KIF13B: variants seen among roughly 807,000 people sequenced by gnomAD.
The protein encoded by KIF13B is kinesin-like protein KIF13B.
Under a neutral mutation model 222.0 loss-of-function variants are expected in KIF13B, and 127 were observed. That is an observed-to-expected ratio of 0.57 (90% CI 0.50 to 0.66). The LOEUF (loss-of-function observed/expected upper bound fraction) is 0.66. Among genes scored for constraint, KIF13B ranks in the 30% least tolerant of loss-of-function variants. KIF13B has a pLI of 0.00. For missense variants in KIF13B, 2,173 were observed against 2,379.0 expected (o/e 0.91, Z 1.80); for synonymous variants, 976 against 919.0 (o/e 1.06, Z -1.12).
intron 2 of KIF13B, among the ~76,000 whole-genome samples, chr8:29,214,121 C>T (rs1814367107): frequency 6.6e-6 from 1 of 152,158 alleles, no homozygotes; most frequent in South Asian, 2.1e-4. Flanking sequence ...ACGTGAAGGC[C>T]TAGGTCATGA....
At chr8:29,141,972 C>T (rs1311397430) in intron 19 of KIF13B, among the ~76,000 whole-genome samples, 185 bp downstream of exon 19, 3 of 151,962 alleles carry the variant, frequency 2.0e-5, no homozygotes, top group East Asian at 1.9e-4. Flanking sequence ...AAAGAAGATA[C>T]CAGAAAGAGA....
At chr8:29,256,858 G>A (rs749598259) in intron 1 of KIF13B, among the ~76,000 whole-genome samples, 2 of 152,144 alleles carry the variant, frequency 1.3e-5, no homozygotes, top group Non-Finnish European at 2.9e-5. Flanking sequence ...AGGTTGAAGC[G>A]ATTATCCCAC....
intron 4 of KIF13B, chr8:29,190,102 C>T (rs983296675): frequency 6.6e-6 from 1 of 152,190 alleles, no homozygotes; most frequent in African/African-American, 2.4e-5. Context: ...GGCATTTTAG[C>T]CTCAGGAAAC....
chr8:29,123,419 G>T lies in KIF13B; in HGVS notation c.3426C>A (p.Asn1142Lys). 6.2e-7 allele frequency: 1 copy of T among 1,614,038 alleles called. No individual in the cohort carries two copies. The highest frequency in any genetic ancestry group is 8.5e-7 in the Non-Finnish European group (1 of 1,179,916). Residue 1142 changes from asparagine (N) to lysine (K), a missense_variant, in exon 28 of 40, where the codon AAC (asparagine) becomes AAA (lysine). By Grantham distance (94) the Asn-to-Lys change is moderately conservative (BLOSUM62 0). Around this residue, in one of 2 missense-constraint regions of KIF13B, gnomAD observed 1,480 missense variants for 1,722.8 expected, o/e 0.86. Transcript: ENST00000524189. ...EMRLTLTEERNAVMVPSAGSG... is the reference protein window; with the variant it reads ...EMRLTLTEERKAVMVPSAGSG... The stretch of plus-strand genomic sequence containing the variant: ...TGCCAGCAGAGGGGACCATCACCGC[G>T]TTCCTCTCCTCAGTTAGGGTCAACC...
At chr8:29,114,751 T>TA (rs781042929) in intron 31 of KIF13B, among the ~76,000 whole-genome samples, 16 of 152,232 alleles carry the variant, frequency 1.1e-4, no homozygotes, top group Non-Finnish European at 2.2e-4. Context: ...GGCAACCTAT[T>TA]GTCCCTACAA....
At chr8:29,225,296 A>G (rs1160670453) in intron 2 of KIF13B, among the ~76,000 whole-genome samples, 1 of 152,246 alleles carries the variant, frequency 6.6e-6, no homozygotes, top group African/African-American at 2.4e-5. Context: ...TAACGCATTT[A>G]GTCCTCATAA....
intron 1 of KIF13B, among the ~76,000 whole-genome samples, chr8:29,259,326 A>G (rs1816599494): frequency 6.6e-6 from 1 of 152,170 alleles, no homozygotes; most frequent in African/African-American, 2.4e-5. Flanking sequence ...CCTGAAATAA[A>G]TTTCTTGTCC....
intron 2 of KIF13B, among the ~76,000 whole-genome samples, chr8:29,228,720 T>A (rs1815152271): frequency 6.6e-6 from 1 of 152,022 alleles, no homozygotes; most frequent in African/African-American, 2.4e-5. Flanking sequence ...ACAGGTGGCA[T>A]GACCAATGCT....
intron 14 of KIF13B, among the ~76,000 whole-genome samples, chr8:29,154,404 G>C (rs767068146): frequency 2.0e-5 from 3 of 152,042 alleles, no homozygotes; most frequent in Non-Finnish European, 4.4e-5. Flanking sequence ...GGGGAAGAGG[G>C]GAGGGGAGGC....
chr8:29,082,932 C>T (rs926971829), intron 37 of KIF13B, among the ~76,000 whole-genome samples: 4 of 152,120 alleles, frequency 2.6e-5, no homozygotes, highest in Admixed American at 2.0e-4. Flanking sequence ...CAAGACCAGC[C>T]GGTGTGACAT....
intron 28 of KIF13B, 140 bp downstream of exon 28, chr8:29,123,226 T>G (rs1809954550): frequency 1.1e-6 from 1 of 951,026 alleles, no homozygotes; most frequent in Admixed American, 2.9e-5. Flanking sequence ...GAAAATAATT[T>G]AACAGTTCCT....
rs374555796 is a variant in KIF13B, at chr8:29,148,578, A to G, written c.1812T>C (p.Asn604=). The G allele has an allele frequency of 1.1e-5, 17 of 1,595,050 alleles. No individual in the cohort carries two copies. In the South Asian group the frequency reaches 1.4e-4, roughly 13 times the overall value. ...CAAGTGCACGCCCGACTTGCTCACC[A>G]TTGCTGCCCAGGGCCTTCATGGTGA... ...MEVTMKALGS[N]DPMQSILNSL... is the part of the protein sequence containing the mutation. Residue 604 remains asparagine (N), a splice_region_variant and synonymous_variant, in exon 16 of 40, where the codon AAT becomes AAC. Coordinates refer to ENST00000524189, the MANE Select transcript of KIF13B (RefSeq NM_015254.4).
chr8:29,196,532 T>A (rs969826822), intron 2 of KIF13B, among the ~76,000 whole-genome samples: 3 of 152,218 alleles, frequency 2.0e-5, no homozygotes, highest in Admixed American at 6.5e-5. Flanking sequence ...ATATATTTTT[T>A]AATCTTTTAC....
intron 2 of KIF13B, among the ~76,000 whole-genome samples, chr8:29,209,705 C>CAA (rs1265446182): frequency 6.6e-6 from 1 of 152,036 alleles, no homozygotes; most frequent in African/African-American, 2.4e-5. Flanking sequence ...AGGTGAGCAT[C>CAA]AAGTACACTC....
intron 2 of KIF13B, among the ~76,000 whole-genome samples, chr8:29,211,446 C>CAGGAAGGGGGAACT (rs1258650635): frequency 2.6e-5 from 4 of 152,168 alleles, no homozygotes; most frequent in African/African-American, 4.8e-5. Flanking sequence ...CTTTCCTGGC[C>CAGGAAGGGGGAACT]CAGGCCAGAG....
At chr8:29,248,453 T>G (rs1003819447) in intron 1 of KIF13B, among the ~76,000 whole-genome samples, 2 of 152,216 alleles carry the variant, frequency 1.3e-5, no homozygotes, top group Non-Finnish European at 2.9e-5. Flanking sequence ...ACTCACAGTT[T>G]CACGTGACTA....
Position 29,145,368 on chromosome 8 carries a change from C to T in KIF13B, c.2187+1010G>A, listed in dbSNP as rs542612981. ...CTTGCTATCAAATTAGAATAATATCCGCCTGTAATCCCAGCACTTTGGGAG... is the reference window on the plus strand; with the variant it reads ...CTTGCTATCAAATTAGAATAATATCTGCCTGTAATCCCAGCACTTTGGGAG... On this transcript the variant is annotated intron_variant, in intron 18 of 39. Transcript: ENST00000524189. Among the ~76,000 whole-genome samples, 70 of 152,148 alleles carry T rather than the reference C, an allele frequency of 4.6e-4. 1 individual carries two copies. The highest frequency in any genetic ancestry group is 8.2e-4 in the Non-Finnish European group (56 of 67,998).
intron 13 of KIF13B, among the ~76,000 whole-genome samples, chr8:29,156,859 C>T (rs376625508): frequency 6.6e-6 from 1 of 152,052 alleles, no homozygotes; most frequent in South Asian, 2.1e-4. Context: ...GCCTACTTGA[C>T]ACAACTTGGA....
chr8:29,175,335 C>T (rs957900697), intron 10 of KIF13B, among the ~76,000 whole-genome samples: 6 of 152,194 alleles, frequency 3.9e-5, no homozygotes, highest in Admixed American at 6.5e-5. Flanking sequence ...TTATCACCAT[C>T]TCTGTCATGG....
Sources: gnomAD v4.1 joint callset for allele counts (sites outside exome capture counted in the v4.1 genomes callset) on GRCh38, gnomAD v4.1.1 for gene constraint, gnomAD v4.1.1 regional missense constraint, MANE v1.5 for transcripts, NCBI Gene and HGNC (gene_info 2026-07-23, HGNC 2026-07-21) for gene names.